TEC: variants seen among roughly 807,000 people sequenced by gnomAD.
TEC encodes tec protein tyrosine kinase, also known as tyrosine-protein kinase Tec.
A neutral mutation model predicts 93.0 loss-of-function variants in TEC; 72 were observed. The ratio of observed to expected loss-of-function variants is 0.77; its 90% confidence interval spans 0.64 to 0.94. TEC has a LOEUF of 0.94. Ranked by LOEUF, TEC falls within the 40% of genes least tolerant of loss-of-function variation. The probability of loss-of-function intolerance (pLI) is 0.00; values close to 1 mark genes in which losing one functional copy is unlikely to be tolerated. For missense variants in TEC, 630 were observed against 757.9 expected, an observed-to-expected ratio of 0.83 and a Z score of 1.98; for synonymous variants, 249 against 247.7, an observed-to-expected ratio of 1.01 and a Z score of -0.05.
At chr4:48,202,769 T>C (rs1469256264) in intron 2 of TEC, among the ~76,000 whole-genome samples, 1 of 152,210 alleles carries the variant, frequency 6.6e-6, no homozygotes, top group East Asian at 1.9e-4. Flanking sequence ...AAAGTGGCTA[T>C]GCTCACTTGC....
At position 48,154,666 on chromosome 4, in the gene TEC, T is replaced by A. The variant is rs544016794; in HGVS notation, c.792+2014A>T. 7.9e-5 allele frequency among the ~76,000 whole-genome samples: 12 copies of A among 152,022 alleles called. No homozygotes were observed. The South Asian group carries it at 2.1e-3, about 26-fold the overall frequency. ...AGGGAAAAAATGATATAGATAAAAC[T>A]AAATGGGTAGAAAGAGAATGAAGAA... On this transcript the variant is annotated intron_variant, in intron 9 of 17. Transcript: ENST00000381501.
chr4:48,225,783 C>T (rs1171792677), intron 2 of TEC, among the ~76,000 whole-genome samples: 2 of 151,044 alleles, frequency 1.3e-5, no homozygotes, highest in Non-Finnish European at 2.9e-5. Context: ...GACCACATTT[C>T]AAGGCATAGG....
At chr4:48,198,354 C>G (rs1027080227) in intron 2 of TEC, among the ~76,000 whole-genome samples, 1 of 152,180 alleles carries the variant, frequency 6.6e-6, no homozygotes. Context: ...TCCAGGTGGG[C>G]TAACTAGGCA....
chr4:48,171,540 A>G lies in TEC; in HGVS notation c.244-91T>C, dbSNP rs377095072. 9.4e-6 allele frequency: 8 copies of G among 852,838 alleles called. No individual in the cohort carries two copies. The African/African-American group carries it at 1.4e-4, about 15-fold the overall frequency. 52.8% of individuals were successfully genotyped at this position (852,838 alleles called of 1,614,324 possible). Reference sequence around the variant, plus strand: ...AACCCTTGGTACTACAGACACCAATAAATGATTCTCAAATAACTGAAAGTC... The same window carrying G: ...AACCCTTGGTACTACAGACACCAATGAATGATTCTCAAATAACTGAAAGTC... On this transcript the variant is annotated intron_variant, in intron 3 of 17. Transcript: ENST00000381501.
At chr4:48,168,476 T>C in intron 6 of TEC, 110 bp downstream of exon 6, 1 of 1,167,320 alleles carries the variant, frequency 8.6e-7, no homozygotes, top group East Asian at 2.5e-5. Flanking sequence ...AAAAATTGTG[T>C]CACATCAATG....
intron 2 of TEC, among the ~76,000 whole-genome samples, chr4:48,220,688 G>A (rs888621084): frequency 1.3e-5 from 2 of 152,018 alleles, no homozygotes; most frequent in African/African-American, 2.4e-5. Flanking sequence ...ATAGCAATAC[G>A]AATGGACTAA....
At chr4:48,215,265 G>A (rs2109617981) in intron 2 of TEC, among the ~76,000 whole-genome samples, 1 of 152,350 alleles carries the variant, frequency 6.6e-6, no homozygotes, top group East Asian at 1.9e-4. Flanking sequence ...TCAGCCCTTT[G>A]GGAGGCTGAG....
chr4:48,186,577 CCCGG>C (rs1341868754), intron 2 of TEC, among the ~76,000 whole-genome samples: 3 of 149,814 alleles, frequency 2.0e-5, no homozygotes, highest in Non-Finnish European at 4.4e-5. Context: ...AGCGTCTCCG[CCCGG>C]CCGCCCCGTC....
chr4:48,164,659 G>A (rs1395687240), intron 7 of TEC, among the ~76,000 whole-genome samples: 2 of 152,144 alleles, frequency 1.3e-5, no homozygotes, highest in Non-Finnish European at 2.9e-5. Flanking sequence ...CATTGCCACT[G>A]TCTCTAAATA....
chr4:48,173,510 G>A (rs775838345), intron 3 of TEC, among the ~76,000 whole-genome samples: 4 of 152,210 alleles, frequency 2.6e-5, no homozygotes, highest in Non-Finnish European at 5.9e-5. Context: ...TTGGGGAGAA[G>A]GATCCAGGGA....
chr4:48,252,215 C>A (rs543378111), intron 1 of TEC, among the ~76,000 whole-genome samples: 63 of 152,202 alleles, frequency 4.1e-4, no homozygotes, highest in African/African-American at 1.4e-3. Flanking sequence ...ATTAAATAAG[C>A]AAATATACAT....
At position 48,167,883 on chromosome 4, in the gene TEC, T is replaced by C. The variant is rs760611263; in HGVS notation, c.566A>G (p.Asp189Gly). ...NSEEIVVAMY[D>G]FQAAEGHDLR... The stretch of plus-strand genomic sequence containing the variant: ...ATCATGTCCTTCTGCTGCTTGGAAA[T>C]CATACATGGCTACAACGATTTCTTC... Residue 189 changes from aspartate (D) to glycine (G), a missense_variant, in exon 7 of 18, where the codon GAT (aspartate) becomes GGT (glycine). Transcript: ENST00000381501. 6.2e-7 allele frequency: 1 copy of C among 1,613,896 alleles called. No homozygotes were observed.
At chr4:48,206,027 A>C (rs1722703192) in intron 2 of TEC, among the ~76,000 whole-genome samples, 1 of 152,254 alleles carries the variant, frequency 6.6e-6, no homozygotes, top group Non-Finnish European at 1.5e-5. Context: ...ATATGCTACA[A>C]CTTGAATGAA....
intron 1 of TEC, among the ~76,000 whole-genome samples, chr4:48,234,497 T>C (rs1056179723): frequency 3.3e-5 from 5 of 152,306 alleles, no homozygotes; most frequent in South Asian, 2.1e-4. Context: ...AGGAGGTTCT[T>C]CCAAAGAATT....
chr4:48,245,787 C>T (rs529277667), intron 1 of TEC, among the ~76,000 whole-genome samples: 17 of 152,148 alleles, frequency 1.1e-4, no homozygotes, highest in African/African-American at 3.4e-4. Flanking sequence ...AGTCTGGCTA[C>T]ATTAAAATAG....
At chr4:48,258,380 T>A (rs959983341) in intron 1 of TEC, among the ~76,000 whole-genome samples, 3 of 152,122 alleles carry the variant, frequency 2.0e-5, no homozygotes, top group Admixed American at 6.5e-5. Flanking sequence ...CAACCTCAAG[T>A]GATCCGCCCA....
At chr4:48,267,562 C>T (rs1246024886) in intron 1 of TEC, among the ~76,000 whole-genome samples, 2 of 152,204 alleles carry the variant, frequency 1.3e-5, no homozygotes, top group Non-Finnish European at 2.9e-5. Flanking sequence ...TTCCAACAGA[C>T]TTGAATGCCC....
At chr4:48,232,782 A>G (rs1723684072) in intron 1 of TEC, among the ~76,000 whole-genome samples, 1 of 152,262 alleles carries the variant, frequency 6.6e-6, no homozygotes, top group Non-Finnish European at 1.5e-5. Context: ...GAATTTTGGA[A>G]ACTGGAAAAC....
At chr4:48,157,926 C>T (rs1307524714) in intron 8 of TEC, among the ~76,000 whole-genome samples, 3 of 152,212 alleles carry the variant, frequency 2.0e-5, no homozygotes, top group Non-Finnish European at 2.9e-5. Context: ...TCAATCCCTC[C>T]ATGTGATTTA....
Sources: allele counts gnomAD v4.1 joint callset (sites outside exome capture counted in the v4.1 genomes callset), GRCh38; gene constraint gnomAD v4.1.1; transcripts MANE v1.5; gene names NCBI Gene and HGNC (gene_info 2026-07-23, HGNC 2026-07-21).